GAB2: variants seen among roughly 807,000 people sequenced by gnomAD.
GAB2 encodes GRB2-associated-binding protein 2.
A neutral mutation model predicts 65.5 loss-of-function variants in GAB2; 26 were observed. The ratio of observed to expected loss-of-function variants is 0.40; its 90% CI spans 0.29 to 0.55. GAB2 has a LOEUF of 0.55. Ranked by LOEUF, GAB2 falls within the 20% of genes least tolerant of loss-of-function variation. The pLI, the probability that GAB2 is intolerant of heterozygous loss-of-function variation, is 0.53. For missense variants in GAB2, 884 were observed against 875.8 expected (o/e 1.01, Z -0.12); for synonymous variants, 321 against 329.6 (o/e 0.97, Z 0.28).
intron 1 of GAB2, among the ~76,000 whole-genome samples, chr11:78,352,175 T>C (rs1305595275): frequency 6.6e-6 from 1 of 152,152 alleles, no homozygotes; most frequent in East Asian, 1.9e-4. Context: ...ATGGCGCCAT[T>C]GCACTCCAGC....
intron 1 of GAB2, 53 bp downstream of exon 1, chr11:78,417,593 G>A: frequency 1.1e-6 from 1 of 895,280 alleles, no homozygotes; most frequent in Non-Finnish European, 1.4e-6. Flanking sequence ...CCGCCCCTCC[G>A]CAGGCCCCGG....
At chr11:78,322,084 C>T (rs1363388446) in intron 1 of GAB2, among the ~76,000 whole-genome samples, 1 of 151,866 alleles carries the variant, frequency 6.6e-6, no homozygotes, top group Non-Finnish European at 1.5e-5. Flanking sequence ...GTGGGCGGGT[C>T]ACCTGAGGTC....
At chr11:78,250,111 C>G (rs770767070) in intron 3 of GAB2, 46 bp downstream of exon 3, 2 of 1,602,768 alleles carry the variant, frequency 1.2e-6, no homozygotes, top group South Asian at 2.2e-5. Flanking sequence ...GTACTAGGCC[C>G]TGTGAGCGGT....
intron 2 of GAB2, among the ~76,000 whole-genome samples, chr11:78,266,587 T>C (rs1455306717): frequency 1.3e-5 from 2 of 152,206 alleles, no homozygotes; most frequent in Non-Finnish European, 2.9e-5. Flanking sequence ...TTTTCACACT[T>C]GAGGTTAACC....
At chr11:78,279,643 T>C (rs1293066382) in intron 2 of GAB2, among the ~76,000 whole-genome samples, 1 of 152,118 alleles carries the variant, frequency 6.6e-6, no homozygotes, top group East Asian at 1.9e-4. Flanking sequence ...TCACCACCAA[T>C]GTACTTTCTG....
chr11:78,347,055 G>A lies in GAB2; in HGVS notation c.76-66154C>T, dbSNP rs376808999. On this transcript the variant is annotated intron_variant, in intron 1 of 9. Coordinates refer to ENST00000361507, the MANE Select transcript of GAB2 (RefSeq NM_080491.3). ...TAGCAGGAATGAACCATCCAACTGG[G>A]TGATCTAAGGATTAACTGTCCATGT... Among the ~76,000 whole-genome samples the A allele has an allele frequency of 3.3e-5, 5 of 152,172 alleles. No individual in the cohort carries two copies. The South Asian group carries it at 1.0e-3, about 32-fold the overall frequency.
chr11:78,403,490 G>T (rs1238446037), intron 1 of GAB2, among the ~76,000 whole-genome samples: 3 of 152,166 alleles, frequency 2.0e-5, no homozygotes, highest in Non-Finnish European at 2.9e-5. Flanking sequence ...ACTGGAAAAA[G>T]TGCAGTTTCT....
At position 78,342,573 on chromosome 11, in the gene GAB2, G is replaced by A. The variant is rs368160624; in HGVS notation, c.76-61672C>T. Among the ~76,000 whole-genome samples the A allele has an allele frequency of 1.5e-4, 23 of 152,010 alleles. No homozygotes were observed. The South Asian group carries it at 2.5e-3, about 16-fold the overall frequency. On this transcript the variant is annotated intron_variant, in intron 1 of 9. Coordinates refer to ENST00000361507, the MANE Select transcript of GAB2 (RefSeq NM_080491.3). ...ACAGGTGCCCGCCAGCACGCCTGGC[G>A]AATTTTTTGTATTTCTAGTAGAGAC...
chr11:78,289,857 A>G (rs867577296), intron 1 of GAB2, among the ~76,000 whole-genome samples: 1 of 123,794 alleles, frequency 8.1e-6, no homozygotes, highest in Middle Eastern at 6.4e-3. Context: ...AACATACAGT[A>G]TGACCAATGA....
At chr11:78,402,855 C>A (rs758133115) in intron 1 of GAB2, among the ~76,000 whole-genome samples, 15 of 152,184 alleles carry the variant, frequency 9.9e-5, no homozygotes, top group African/African-American at 3.6e-4. Flanking sequence ...CCCCACCACC[C>A]CAATTCACAT....
chr11:78,314,325 G>A (rs139323887), intron 1 of GAB2, among the ~76,000 whole-genome samples: 5 of 152,318 alleles, frequency 3.3e-5, no homozygotes, highest in South Asian at 2.1e-4. Context: ...CTTGCACTGC[G>A]TCCCATATGA....
In GAB2 at chr11:78,280,909, A is replaced by G. The variant is rs1177752034; in HGVS notation, c.76-8T>C. On this transcript the variant is annotated splice_region_variant and splice_polypyrimidine_tract_variant and intron_variant, in intron 1 of 9. Coordinates refer to ENST00000361507, the MANE Select transcript of GAB2 (RefSeq NM_080491.3). Reference sequence around the variant, plus strand: ...CCAGCGTTTCTTCCAGGCCTAAATCATATCAGGAAGGAGTAAGAAGAGGGG... The same window carrying G: ...CCAGCGTTTCTTCCAGGCCTAAATCGTATCAGGAAGGAGTAAGAAGAGGGG... 3.7e-6 allele frequency: 6 copies of G among 1,609,406 alleles called. No individual in the cohort carries two copies. Among genetic ancestry groups the G allele is most frequent in the African/African-American group, 1.3e-5 (1 of 74,764 alleles).
chr11:78,412,977 G>C (rs116582328), intron 1 of GAB2, among the ~76,000 whole-genome samples: 2,489 of 152,280 alleles, frequency 0.016, 62 homozygotes, highest in African/African-American at 0.056. Flanking sequence ...ATTAGATGTG[G>C]GATAGTGGGT....
At chr11:78,219,541 T>A in intron 9 of GAB2, 126 bp from the exon 10 acceptor site, 1 of 824,978 alleles carries the variant, frequency 1.2e-6, no homozygotes, top group Non-Finnish European at 2.0e-6. Context: ...TGCCTGCCAC[T>A]GACCAGCCTC....
intron 1 of GAB2, among the ~76,000 whole-genome samples, chr11:78,370,277 A>G (rs1856550908): frequency 6.6e-6 from 1 of 152,044 alleles, no homozygotes; most frequent in African/African-American, 2.4e-5. Flanking sequence ...AAAAAAAAGA[A>G]AAGAAAATAC....
chr11:78,356,994 T>C (rs1407032504), intron 1 of GAB2, among the ~76,000 whole-genome samples: 1 of 152,156 alleles, frequency 6.6e-6, no homozygotes. Flanking sequence ...GATTAGGGGT[T>C]GGTGAGTAGG....
Position 78,219,233 on chromosome 11 carries a change from T to C in GAB2, c.*39A>G, listed in dbSNP as rs764153129. The C allele has an allele frequency of 6.2e-7, 1 of 1,600,622 alleles. No individual in the cohort carries two copies. Among genetic ancestry groups the C allele is most frequent in the East Asian group, 2.2e-5 (1 of 44,690 alleles). On this transcript the variant is annotated 3_prime_UTR_variant, in exon 10 of 10. Coordinates refer to ENST00000361507, the MANE Select transcript of GAB2 (RefSeq NM_080491.3). ...GAGGGGAGATGGGAAGGGCCAGCTC[T>C]GGAGATGCTGCCTCCTGGGCTCTGC...
chr11:78,282,409 C>T (rs1006126480), intron 1 of GAB2, among the ~76,000 whole-genome samples: 1 of 151,572 alleles, frequency 6.6e-6, no homozygotes, highest in African/African-American at 2.4e-5. Context: ...TGGGTTCAAG[C>T]GGATTTATCC....
intron 1 of GAB2, among the ~76,000 whole-genome samples, chr11:78,330,645 T>G (rs557022540): frequency 6.6e-6 from 1 of 152,326 alleles, no homozygotes; most frequent in East Asian, 1.9e-4. Context: ...TAAAACCAAA[T>G]AGTGACTATA....
Sources: allele counts gnomAD v4.1 joint callset (sites outside exome capture counted in the v4.1 genomes callset), GRCh38; gene constraint gnomAD v4.1.1; transcripts MANE v1.5; gene names NCBI Gene and HGNC (gene_info 2026-07-23, HGNC 2026-07-21).